PWWP2A: variants seen among roughly 807,000 people sequenced by gnomAD.
PWWP2A encodes PWWP domain-containing protein 2A.
In PWWP2A, 18 loss-of-function variants were observed where a neutral mutation model predicts 48.5. The ratio of observed to expected loss-of-function variants is 0.37; its 90% CI spans 0.26 to 0.55. PWWP2A has a LOEUF of 0.55. Ranked by LOEUF, PWWP2A falls within the 20% of genes least tolerant of loss-of-function variation. The pLI, the probability that PWWP2A is intolerant of heterozygous loss-of-function variation, is 0.81. For missense variants in PWWP2A, 867 were observed against 976.4 expected (o/e 0.89, Z 1.49); for synonymous variants, 396 against 387.7 (o/e 1.02, Z -0.25).
chr5:160,093,145 A>G lies in PWWP2A; in HGVS notation c.1505T>C (p.Met502Thr). 6.2e-7 allele frequency: 1 copy of G among 1,613,920 alleles called. No homozygotes were observed. The highest frequency in any genetic ancestry group is 8.5e-7 in the Non-Finnish European group (1 of 1,179,880). ...GCAGCGAGACTGGGGCTTGGGTGCC[A>G]TCTTGCCACTCCGCATTTTCTCAAG... ...TGLEKMRSGK[M>T]APKPQSRCTS... The change falls in exon 2 of 2, where the codon ATG becomes ACG. Residue 502 changes from methionine (M) to threonine (T), a missense_variant. This residue lies in a region of PWWP2A where 382 missense variants were observed against 407.2 expected (regional missense o/e 0.94). Coordinates refer to ENST00000307063, the MANE Select transcript of PWWP2A (RefSeq NM_001130864.2). This position sits in a 1 kb window ranked among gnomAD's most constrained non-coding sequence, Gnocchi z 5.8.
At chr5:160,050,687 A>T in the PWWP2A span, among the ~76,000 whole-genome samples, 7 of 144,930 alleles carry the variant, frequency 4.8e-5, no homozygotes, top group Non-Finnish European at 1.0e-4. Flanking sequence ...GAGCAGTGGC[A>T]CAGTCATGGC....
At chr5:160,102,489 G>A (rs1206378196) in intron 1 of PWWP2A, among the ~76,000 whole-genome samples, 1 of 151,100 alleles carries the variant, frequency 6.6e-6, no homozygotes, top group Non-Finnish European at 1.5e-5. Context: ...TTGAGGCCAG[G>A]AGTTTAATTA....
chr5:160,102,077 T>A (rs1202871303), intron 1 of PWWP2A, among the ~76,000 whole-genome samples: 1 of 140,108 alleles, frequency 7.1e-6, no homozygotes, highest in Admixed American at 7.4e-5. Context: ...ACCATTGCCC[T>A]CCAGCCTGGG....
At chr5:160,046,899 C>CTA in the PWWP2A span, among the ~76,000 whole-genome samples, 47 of 152,180 alleles carry the variant, frequency 3.1e-4, no homozygotes, top group African/African-American at 9.2e-4. Flanking sequence ...GTAATCCCAG[C>CTA]TACTCAGGAG....
At chr5:160,046,874 T>A in the PWWP2A span, among the ~76,000 whole-genome samples, 1 of 152,010 alleles carries the variant, frequency 6.6e-6, no homozygotes, top group Non-Finnish European at 1.5e-5. Context: ...TAGCAGGGCA[T>A]GGCGGCACGT....
chr5:160,057,177 G>T (rs961946037), downstream of PWWP2A, among the ~76,000 whole-genome samples: 4 of 152,108 alleles, frequency 2.6e-5, no homozygotes, highest in Admixed American at 2.0e-4. This position sits in a 1 kb window ranked among gnomAD's most constrained non-coding sequence, Gnocchi z 4.4. Flanking sequence ...GCTATCCTGA[G>T]GCTTCTCTTA....
the PWWP2A span, among the ~76,000 whole-genome samples, chr5:160,054,075 TTTTGTTTG>T: frequency 6.6e-6 from 1 of 151,912 alleles, no homozygotes. Context: ...GGTTGGTTGT[TTTTGTTTG>T]TTTGTTTGTT....
intron 2 of PWWP2A, among the ~76,000 whole-genome samples, chr5:160,082,737 G>C (rs912219298): frequency 9.9e-5 from 15 of 152,104 alleles, no homozygotes; most frequent in African/African-American, 3.4e-4. Context: ...CTTTTCTTTA[G>C]AATTTACCAC....
chr5:160,103,912 A>G (rs1439729022), intron 1 of PWWP2A, among the ~76,000 whole-genome samples: 1 of 151,828 alleles, frequency 6.6e-6, no homozygotes, highest in African/African-American at 2.4e-5. Context: ...ACTTGAGACC[A>G]GGAGTTCAAG....
chr5:160,049,501 T>C, the PWWP2A span: 4 of 1,552,182 alleles, frequency 2.6e-6, no homozygotes, highest in Non-Finnish European at 3.5e-6. Flanking sequence ...AATTATTTCT[T>C]CTCTTTTTAC....
At position 160,094,008 on chromosome 5, in the gene PWWP2A, T is replaced by C; in HGVS notation, c.642A>G (p.Lys214=). The change falls in exon 2 of 2, where the codon AAA becomes AAG. Residue 214 remains lysine, a synonymous_variant. Coordinates refer to ENST00000307063, the MANE Select transcript of PWWP2A (RefSeq NM_001130864.2). ...TACTTTGGAGCGGCATGGCTTCTGG[T>C]TTATCCTTATATTCCCTTTTGGGAA... ...TVFPKREYKD[K]PEAMPLQSNT... 1.2e-6 allele frequency: 2 copies of C among 1,613,992 alleles called. No individual in the cohort carries two copies. Among genetic ancestry groups the C allele is most frequent in the Non-Finnish European group, 1.7e-6 (2 of 1,179,874 alleles).
chr5:160,109,772 AAAATATATATATATATATATATATAT>A (rs1188268164), intron 1 of PWWP2A, among the ~76,000 whole-genome samples: 2 of 27,874 alleles, frequency 7.2e-5, no homozygotes, highest in Non-Finnish European at 1.4e-4. Context: ...AAAAAAAAAA[AAAATATATATATATATATATATATAT>A]ATATATATAT....
chr5:160,071,451 A>G (rs1327729104), downstream of PWWP2A, among the ~76,000 whole-genome samples: 1 of 152,178 alleles, frequency 6.6e-6, no homozygotes, highest in East Asian at 1.9e-4. Flanking sequence ...CCAAGAACTA[A>G]GCAGGCCTGC....
chr5:160,065,229 G>T, intron 4 of PWWP2A: 1 of 971,824 alleles, frequency 1.0e-6, no homozygotes. Flanking sequence ...TGATCAGGGT[G>T]AAATGTACTT....
At chr5:160,051,170 A>G in the PWWP2A span, 2 of 1,611,012 alleles carry the variant, frequency 1.2e-6, no homozygotes, top group Non-Finnish European at 1.7e-6. Flanking sequence ...AAAGACTAAA[A>G]GAAGAGATGT....
At chr5:160,114,918 C>T (rs914393482) in intron 1 of PWWP2A, among the ~76,000 whole-genome samples, 4 of 151,826 alleles carry the variant, frequency 2.6e-5, no homozygotes, top group East Asian at 2.0e-4. Flanking sequence ...AGGCGGATCA[C>T]GAAGTCAGGA....
intron 1 of PWWP2A, among the ~76,000 whole-genome samples, chr5:160,117,287 C>T (rs776183443): frequency 2.6e-5 from 4 of 152,108 alleles, no homozygotes; most frequent in Non-Finnish European, 4.4e-5. Context: ...CAGCAAGACC[C>T]TGTCTCTATT....
At chr5:160,097,730 T>A (rs1017643151) in intron 1 of PWWP2A, among the ~76,000 whole-genome samples, 1 of 151,320 alleles carries the variant, frequency 6.6e-6, no homozygotes, top group Non-Finnish European at 1.5e-5. Context: ...GTTGTTTTGT[T>A]TTTTTGAGAC....
At chr5:160,051,084 T>TG in the PWWP2A span, 8 of 375,546 alleles carry the variant, frequency 2.1e-5, no homozygotes, top group Non-Finnish European at 2.6e-5. Flanking sequence ...AGGTTTTGGT[T>TG]TTTTTTTTTT....
Sources: gnomAD v4.1 joint callset for allele counts (sites outside exome capture counted in the v4.1 genomes callset) on GRCh38, gnomAD v4.1.1 for gene constraint, gnomAD v4.1.1 regional missense constraint, Gnocchi (gnomAD v3.1) non-coding constraint, MANE v1.5 for transcripts, NCBI Gene and HGNC (gene_info 2026-07-23, HGNC 2026-07-21) for gene names.